MPP7: variants seen among roughly 807,000 people sequenced by gnomAD.
The protein encoded by MPP7 is MAGUK p55 subfamily member 7.
A neutral mutation model predicts 76.5 loss-of-function variants in MPP7; 60 were observed. The observed-to-expected ratio is 0.78, with a 90% CI of 0.64 to 0.97. The LOEUF is 0.97. Among genes scored for constraint, MPP7 ranks in the 50% least tolerant of loss-of-function variants. The probability of loss-of-function intolerance (pLI) is 0.00; values close to 1 mark genes in which losing one functional copy is unlikely to be tolerated. For synonymous variants in MPP7, 237 were observed against 244.5 expected, an observed-to-expected ratio of 0.97 and a Z score of 0.29; for missense variants, 641 against 694.0, an observed-to-expected ratio of 0.92 and a Z score of 0.86.
At chr10:28,102,444 G>C (rs1853868562) in intron 11 of MPP7, among the ~76,000 whole-genome samples, 1 of 152,184 alleles carries the variant, frequency 6.6e-6, no homozygotes, top group South Asian at 2.1e-4. Context: ...TTACAGGTCA[G>C]TAAGAATCAT....
At chr10:28,184,205 T>TC in intron 3 of MPP7, among the ~76,000 whole-genome samples, 1 of 45,120 alleles carries the variant, frequency 2.2e-5, no homozygotes, top group Non-Finnish European at 5.0e-5. Flanking sequence ...TATATATATC[T>TC]TTATATGTTA....
chr10:28,246,327 C>G (rs1007543389), intron 1 of MPP7, among the ~76,000 whole-genome samples: 1 of 151,928 alleles, frequency 6.6e-6, no homozygotes, highest in Non-Finnish European at 1.5e-5. Flanking sequence ...ATCTGCCAAT[C>G]AAGAAGACTA....
At chr10:28,252,417 G>C (rs1036247538) in intron 1 of MPP7, among the ~76,000 whole-genome samples, 3 of 152,180 alleles carry the variant, frequency 2.0e-5, no homozygotes, top group African/African-American at 7.2e-5. Context: ...TTACCTGAAA[G>C]GAAGCCAAGA....
At position 28,106,202 on chromosome 10, in the gene MPP7, T is replaced by C. The variant is rs192892243; in HGVS notation, c.952+13449A>G. ...CTCCCATAGTCTTAATTCCACCCAA[T>C]CTAGTCTTATTTGGACTTTTTTCTC... is the stretch of plus-strand genomic sequence containing the variant. On this transcript the variant is annotated intron_variant, in intron 11 of 16. Transcript: ENST00000683449. 1.3e-3 allele frequency among the ~76,000 whole-genome samples: 205 copies of C among 152,306 alleles called. 3 individuals are homozygous for C. The highest frequency in any genetic ancestry group is 4.6e-3 in the African/African-American group (192 of 41,564).
chr10:28,175,796 T>A (rs746671820), intron 3 of MPP7, among the ~76,000 whole-genome samples: 3 of 152,154 alleles, frequency 2.0e-5, no homozygotes, highest in Non-Finnish European at 4.4e-5. Flanking sequence ...AATTGCTCCC[T>A]GAGCCCTCTC....
At chr10:28,117,353 C>T (rs1284291550) in intron 11 of MPP7, among the ~76,000 whole-genome samples, 2 of 152,042 alleles carry the variant, frequency 1.3e-5, no homozygotes, top group Non-Finnish European at 2.9e-5. Context: ...TAAACATTGA[C>T]ATGATAGAAT....
At chr10:28,286,333 G>A (rs969418353) in intron 1 of MPP7, among the ~76,000 whole-genome samples, 1 of 151,188 alleles carries the variant, frequency 6.6e-6, no homozygotes, top group African/African-American at 2.4e-5. Context: ...GCAACAGAGC[G>A]AGACTCCACC....
In MPP7 at chr10:28,238,643, G is replaced by A. The variant is rs775487382; in HGVS notation, c.-39C>T. On this transcript the variant is annotated 5_prime_UTR_variant, in exon 2 of 17. Coordinates refer to ENST00000683449, the MANE Select transcript of MPP7 (RefSeq NM_001318170.2). ...GGAACAGGTCAGCCCACCGCTCTCC[G>A]GACACCCTGCCTTCGGACAGCCACA... 17 of 1,612,154 alleles carry A rather than the reference G, an allele frequency of 1.1e-5. No individual in the cohort carries two copies. The highest frequency in any genetic ancestry group is 1.6e-4 in the Middle Eastern group (1 of 6,074).
At chr10:28,178,382 G>A (rs1439264970) in intron 3 of MPP7, among the ~76,000 whole-genome samples, 1 of 151,636 alleles carries the variant, frequency 6.6e-6, no homozygotes, top group Non-Finnish European at 1.5e-5. Context: ...ATTAAACACA[G>A]GCAGACAACC....
At position 28,053,426 on chromosome 10, in the gene MPP7, G is replaced by C. The variant is rs937706205; in HGVS notation, c.*639C>G. The C allele has an allele frequency of 6.6e-6, 1 of 152,180 alleles. No individual in the cohort carries two copies. The highest frequency in any genetic ancestry group is 2.4e-5 in the African/African-American group (1 of 41,450). The allele number at this position is 152,180 out of a possible 1,614,324, so 9.4% of individuals were successfully genotyped here. A position where few individuals can be genotyped will look rare whatever the true frequency, so the allele number is the denominator to read the frequency against. ...CCTTATTAAATGTTGTTGAGTCACT[G>C]ACAGGTACTCAAAAGGACTTCTCAA... On this transcript the variant is annotated 3_prime_UTR_variant, in exon 17 of 17. Transcript: ENST00000683449.
chr10:28,308,374 C>A (rs1290546408), intron 2 of MPP7, among the ~76,000 whole-genome samples: 1 of 152,168 alleles, frequency 6.6e-6, no homozygotes, highest in African/African-American at 2.4e-5. Flanking sequence ...AATCAAGTTG[C>A]CTTCATGGTC....
intron 11 of MPP7, among the ~76,000 whole-genome samples, chr10:28,090,613 G>A (rs1396820123): frequency 6.6e-6 from 1 of 152,152 alleles, no homozygotes; most frequent in Admixed American, 6.5e-5. Flanking sequence ...ACGTACCCAT[G>A]GCACAGGCAG....
chr10:28,198,656 AC>A (rs1837669978), intron 3 of MPP7, among the ~76,000 whole-genome samples: 1 of 152,238 alleles, frequency 6.6e-6, no homozygotes, highest in Non-Finnish European at 1.5e-5. Context: ...TCTAAAATGA[AC>A]TTAAACCAGA....
At chr10:28,144,348 T>C (rs1272918968) in intron 5 of MPP7, among the ~76,000 whole-genome samples, 3 of 152,068 alleles carry the variant, frequency 2.0e-5, no homozygotes, top group Non-Finnish European at 4.4e-5. Context: ...ATTTCAGGTG[T>C]GGCCATATAA....
chr10:28,131,492 T>C, intron 6 of MPP7, 68 bp downstream of exon 6: 1 of 1,356,744 alleles, frequency 7.4e-7, no homozygotes, highest in Non-Finnish European at 9.8e-7. Context: ...TAAAGAGTTA[T>C]ACATGGTATG....
At chr10:28,094,446 A>G (rs980899049) in intron 11 of MPP7, among the ~76,000 whole-genome samples, 1 of 152,204 alleles carries the variant, frequency 6.6e-6, no homozygotes, top group Non-Finnish European at 1.5e-5. Flanking sequence ...TTATAGTAGT[A>G]GCTGCCTCAC....
At chr10:28,244,608 A>C (rs1187609495) in intron 1 of MPP7, among the ~76,000 whole-genome samples, 1 of 152,232 alleles carries the variant, frequency 6.6e-6, no homozygotes. Flanking sequence ...CCACACATGG[A>C]AAGGGAAATG....
Position 28,260,193 on chromosome 10 carries a change from CTCTT to C in MPP7, c.-131-21462_-131-21459del, listed in dbSNP as rs1489066913. Among the ~76,000 whole-genome samples the C allele has an allele frequency of 6.6e-5, 10 of 152,248 alleles. No individual in the cohort carries two copies. The South Asian group carries it at 1.9e-3, about 28-fold the overall frequency. On this transcript the variant is annotated intron_variant, in intron 1 of 16. Coordinates refer to ENST00000683449, the MANE Select transcript of MPP7 (RefSeq NM_001318170.2). ...ATCATCGACATATTTGAGTCCATCC[CTCTT>C]TCTACTTGTTAATTAATACATGCTT...
At chr10:28,093,097 A>C (rs1185404394) in intron 11 of MPP7, among the ~76,000 whole-genome samples, 1 of 152,076 alleles carries the variant, frequency 6.6e-6, no homozygotes, top group East Asian at 1.9e-4. Flanking sequence ...AACAAAGATG[A>C]TACATGAGCT....
Sources: allele counts gnomAD v4.1 joint callset (sites outside exome capture counted in the v4.1 genomes callset), GRCh38; gene constraint gnomAD v4.1.1; transcripts MANE v1.5; gene names NCBI Gene and HGNC (gene_info 2026-07-23, HGNC 2026-07-21).